AHI1: variants seen among roughly 807,000 people sequenced by gnomAD.
The protein encoded by AHI1 is jouberin.
AHI1 carries 123 observed loss-of-function variants against 149.3 expected under a neutral mutation model. The observed-to-expected ratio is 0.82, with a 90% CI of 0.71 to 0.96. The LOEUF is 0.96. Among genes scored for constraint, AHI1 ranks in the 40% least tolerant of loss-of-function variants. The pLI, the probability that AHI1 is intolerant of heterozygous loss-of-function variation, is 0.00. For missense variants in AHI1, 1,439 were observed against 1,422.7 expected, an observed-to-expected ratio of 1.01 and a Z score of -0.18; for synonymous variants, 475 against 459.8, an observed-to-expected ratio of 1.03 and a Z score of -0.42.
chr6:135,394,327 A>T (rs1370500818), intron 23 of AHI1, among the ~76,000 whole-genome samples: 1 of 152,066 alleles, frequency 6.6e-6, no homozygotes, highest in African/African-American at 2.4e-5. Flanking sequence ...GTTATGTAAC[A>T]AGCTTTTTTG....
intron 23 of AHI1, among the ~76,000 whole-genome samples, chr6:135,369,644 A>G (rs1200720653): frequency 2.0e-5 from 3 of 152,224 alleles, no homozygotes; most frequent in Admixed American, 1.3e-4. Context: ...ACACACAGAT[A>G]TGACTCTTTC....
intron 23 of AHI1, among the ~76,000 whole-genome samples, chr6:135,362,622 A>C (rs765316631): frequency 1.3e-5 from 2 of 152,140 alleles, no homozygotes; most frequent in Non-Finnish European, 2.9e-5. Context: ...AGTGATGCTG[A>C]GCATTTTTTC....
At chr6:135,311,802 A>G (rs952880589) in intron 26 of AHI1, among the ~76,000 whole-genome samples, 2 of 152,168 alleles carry the variant, frequency 1.3e-5, no homozygotes, top group Admixed American at 1.3e-4. Context: ...CCTTGGTAAA[A>G]ATGTTCTGGA....
chr6:135,490,396 ACT>A, intron 5 of AHI1: 1 of 649,132 alleles, frequency 1.5e-6, no homozygotes, highest in African/African-American at 1.8e-5. Flanking sequence ...CATTTTCCCC[ACT>A]GTGTGTGTGT....
At chr6:135,381,325 T>C (rs1776737679) in intron 23 of AHI1, among the ~76,000 whole-genome samples, 1 of 152,128 alleles carries the variant, frequency 6.6e-6, no homozygotes, top group Admixed American at 6.6e-5. Flanking sequence ...TTGATTCCTT[T>C]TAAAAAAAGT....
At chr6:135,407,284 A>T (rs9494236) in intron 21 of AHI1, among the ~76,000 whole-genome samples, 5,065 of 152,280 alleles carry the variant, frequency 0.033, 190 homozygotes, top group African/African-American at 0.088. Context: ...AATAAATAAA[A>T]AAAGGAATTT....
chr6:135,407,519 A>G (rs1414793995), intron 21 of AHI1, among the ~76,000 whole-genome samples: 2 of 152,208 alleles, frequency 1.3e-5, no homozygotes, highest in Non-Finnish European at 2.9e-5. Flanking sequence ...AAGGAAAAAT[A>G]ATGGTTTTTA....
At chr6:135,293,391 G>A (rs1414808167) in intron 27 of AHI1, among the ~76,000 whole-genome samples, 1 of 69,996 alleles carries the variant, frequency 1.4e-5, no homozygotes, top group East Asian at 3.7e-4. Flanking sequence ...TGTTAACAGG[G>A]CAAAAAAAAA....
chr6:135,343,956 A>G (rs1264243905), intron 24 of AHI1, among the ~76,000 whole-genome samples: 1 of 152,002 alleles, frequency 6.6e-6, no homozygotes, highest in African/African-American at 2.4e-5. Context: ...GAGAAAAGAC[A>G]ACCTACAGAA....
chr6:135,442,290 T>C (rs1786421884), intron 14 of AHI1, among the ~76,000 whole-genome samples: 1 of 152,204 alleles, frequency 6.6e-6, no homozygotes, highest in African/African-American at 2.4e-5. Context: ...TTCATCCTTG[T>C]TTCCAAATTT....
At position 135,308,248 on chromosome 6, in the gene AHI1, T is replaced by C. The variant is rs531189070; in HGVS notation, c.3427-7690A>G. On this transcript the variant is annotated intron_variant, in intron 26 of 28. Coordinates refer to ENST00000265602, the MANE Select transcript of AHI1 (RefSeq NM_001134831.2). ...TATTTAGGTTAATCCTCCGCTTTTT[T>C]TTTGTGACACAGAGTCTTGATCTGT... Among the ~76,000 whole-genome samples the C allele has an allele frequency of 2.6e-5, 4 of 152,300 alleles. No homozygotes were observed. The East Asian group carries it at 7.7e-4, about 29-fold the overall frequency.
At chr6:135,424,687 A>C (rs776280060) in intron 20 of AHI1, among the ~76,000 whole-genome samples, 2 of 151,900 alleles carry the variant, frequency 1.3e-5, no homozygotes, top group Admixed American at 6.6e-5. Flanking sequence ...ATGCTTGCTA[A>C]CTCTTCACAG....
At chr6:135,466,901 A>G (rs773746917) in intron 6 of AHI1, among the ~76,000 whole-genome samples, 91 of 152,216 alleles carry the variant, frequency 6.0e-4, no homozygotes, top group Non-Finnish European at 9.4e-4. Flanking sequence ...GTTAAATCCA[A>G]TGACAGACTA....
At position 135,448,393 on chromosome 6, in the gene AHI1, G is replaced by T. The variant is rs2128059011; in HGVS notation, c.1523C>A (p.Pro508Gln). 1 of 1,608,316 alleles carries T rather than the reference G, an allele frequency of 6.2e-7. No homozygotes were observed. Among genetic ancestry groups the T allele is most frequent in the Non-Finnish European group, 8.5e-7 (1 of 1,176,230 alleles). ...LYYPPTKPRS[P>Q]LSVVEAFEWW... ...TTCAAATGCCTCAACAACACTTAAT[G>T]GGGATCGAGGCTTAGTAGGTGGGTA... The change falls in exon 12 of 29, where the codon CCA becomes CAA. Residue 508 changes from proline (P) to glutamine (Q), a missense_variant. Transcript: ENST00000265602.
intron 5 of AHI1, chr6:135,474,621 T>C (rs1222440165): frequency 1.3e-5 from 2 of 152,214 alleles, no homozygotes; most frequent in Non-Finnish European, 2.9e-5. Context: ...CATCTATTGC[T>C]GGTTTAAGAA....
At position 135,284,490 on chromosome 6, in the gene AHI1, A is replaced by C. The variant is rs2128335762; in HGVS notation, c.*1155T>G. ...GACCTTATCACACACTTGAGAAAGGAGTCAAGAAAAGAACAAAAAATGAAT... is the reference window on the plus strand; with the variant it reads ...GACCTTATCACACACTTGAGAAAGGCGTCAAGAAAAGAACAAAAAATGAAT... On this transcript the variant is annotated 3_prime_UTR_variant, in exon 29 of 29. Coordinates refer to ENST00000265602, the MANE Select transcript of AHI1 (RefSeq NM_001134831.2). 1 of 152,308 alleles carries C rather than the reference A, an allele frequency of 6.6e-6. No individual in the cohort carries two copies. The highest frequency in any genetic ancestry group is 1.9e-4 in the East Asian group (1 of 5,194). 9.4% of individuals were successfully genotyped at this position (152,308 alleles called of 1,614,324 possible).
intron 21 of AHI1, among the ~76,000 whole-genome samples, chr6:135,406,474 G>A (rs1041402540): frequency 6.6e-6 from 1 of 151,928 alleles, no homozygotes; most frequent in Non-Finnish European, 1.5e-5. Flanking sequence ...ATCCTCTTCT[G>A]GAAAATGGGA....
chr6:135,379,724 C>G (rs1015622069), intron 23 of AHI1, among the ~76,000 whole-genome samples: 7 of 152,164 alleles, frequency 4.6e-5, no homozygotes, highest in Non-Finnish European at 1.0e-4. Flanking sequence ...TCTGAACTTA[C>G]TGTTTTCTAC....
intron 27 of AHI1, among the ~76,000 whole-genome samples, chr6:135,293,429 AAAAGAAAGAAAG>A (rs1378022445): frequency 7.6e-6 from 1 of 131,890 alleles, no homozygotes; most frequent in African/African-American, 2.9e-5. Context: ...AAAAAAGAAA[AAAAGAAAGAAAG>A]AAAAGGCGCC....
Sources: gnomAD v4.1 joint callset for allele counts (sites outside exome capture counted in the v4.1 genomes callset) on GRCh38, gnomAD v4.1.1 for gene constraint, MANE v1.5 for transcripts, NCBI Gene and HGNC (gene_info 2026-07-23, HGNC 2026-07-21) for gene names.